The following SLCO4C1 variants were observed in gnomAD, a reference collection of about 807,000 sequenced individuals.
The protein encoded by SLCO4C1 is solute carrier organic anion transporter family member 4C1, also known as organic anion transporter M1.
SLCO4C1 carries 58 observed loss-of-function variants against 72.1 expected under a neutral mutation model. The ratio of observed to expected loss-of-function variants is 0.80; its 90% confidence interval spans 0.65 to 1.00. The LOEUF (loss-of-function observed/expected upper bound fraction) is 1.00, where lower values mean the gene tolerates loss of function less well. Ranked by LOEUF, SLCO4C1 falls within the 50% of genes least tolerant of loss-of-function variation. The pLI is 0.00. For synonymous variants in SLCO4C1, 297 were observed against 312.5 expected, an observed-to-expected ratio of 0.95 and a Z score of 0.52; for missense variants, 898 against 857.9, an observed-to-expected ratio of 1.05 and a Z score of -0.58.
At chr5:102,292,818 G>C (rs114044075) in intron 1 of SLCO4C1, among the ~76,000 whole-genome samples, 3,018 of 152,034 alleles carry the variant, frequency 0.02, 64 homozygotes, top group African/African-American at 0.055. Context: ...GAATTAACTA[G>C]AGATTCCTTT....
At chr5:102,281,500 A>C (rs779428814) in intron 2 of SLCO4C1, among the ~76,000 whole-genome samples, 48 of 152,146 alleles carry the variant, frequency 3.2e-4, no homozygotes, top group Non-Finnish European at 6.0e-4. Context: ...AGAGGATGAA[A>C]AGACATGCTA....
intron 8 of SLCO4C1, among the ~76,000 whole-genome samples, chr5:102,255,161 T>A (rs1039167534): frequency 1.3e-5 from 2 of 152,192 alleles, no homozygotes; most frequent in African/African-American, 4.8e-5. Flanking sequence ...TCACTTTCAG[T>A]TTTTCTCATC....
At chr5:102,291,657 A>G in intron 1 of SLCO4C1, 51 bp from the exon 2 acceptor site, 1 of 1,460,934 alleles carries the variant, frequency 6.8e-7, no homozygotes, top group Admixed American at 2.1e-5. Context: ...CCATACGATT[A>G]AGATTATTAA....
intron 10 of SLCO4C1, among the ~76,000 whole-genome samples, chr5:102,245,387 G>A (rs1748618237): frequency 6.6e-6 from 1 of 152,012 alleles, no homozygotes; most frequent in Non-Finnish European, 1.5e-5. Flanking sequence ...AAAGAGAATA[G>A]GAGTCACTAT....
chr5:102,258,027 T>A lies in SLCO4C1; in HGVS notation c.1189A>T (p.Ile397Phe). The A allele has an allele frequency of 6.2e-7, 1 of 1,606,310 alleles. No homozygotes were observed. Among genetic ancestry groups the A allele is most frequent in the Non-Finnish European group, 8.5e-7 (1 of 1,177,444 alleles). ...LVLSTSSEAL[I>F]TTGFATFLPK... ...AAAAATGTAGCAAATCCAGTAGTAA[T>A]TAAGGCTTCTGAAGAAGTTGATAGA... The change falls in exon 7 of 13, where the codon ATT becomes TTT. Residue 397 changes from isoleucine (I) to phenylalanine (F), a missense_variant. By Grantham distance (21) the Ile-to-Phe change is conservative (BLOSUM62 0). Transcript: ENST00000310954.
chr5:102,283,085 G>A lies in SLCO4C1; in HGVS notation c.619+8258C>T, dbSNP rs1435343842. 4.6e-5 allele frequency among the ~76,000 whole-genome samples: 7 copies of A among 151,214 alleles called. No homozygotes were observed. In the East Asian group the frequency reaches 9.7e-4, roughly 21 times the overall value. Reference sequence around the variant, plus strand: ...ACCAAATGAATTATTTTCTTATCTCGTAACAATATGATCTTAGAAATATAT... The same window carrying A: ...ACCAAATGAATTATTTTCTTATCTCATAACAATATGATCTTAGAAATATAT... On this transcript the variant is annotated intron_variant, in intron 2 of 12. Coordinates refer to ENST00000310954, the MANE Select transcript of SLCO4C1 (RefSeq NM_180991.5).
intron 10 of SLCO4C1, among the ~76,000 whole-genome samples, chr5:102,242,000 A>G (rs1748550052): frequency 6.6e-6 from 1 of 152,192 alleles, no homozygotes; most frequent in African/African-American, 2.4e-5. Flanking sequence ...CAACCCAGGC[A>G]GTGGCAGTGT....
chr5:102,250,253 A>G (rs1748713762), intron 8 of SLCO4C1, among the ~76,000 whole-genome samples: 1 of 152,128 alleles, frequency 6.6e-6, no homozygotes, highest in African/African-American at 2.4e-5. Flanking sequence ...GAACATAATC[A>G]TCTCATCAAT....
At position 102,235,737 on chromosome 5, in the gene SLCO4C1, G is replaced by C. The variant is rs1748419979; in HGVS notation, c.*1121C>G. The C allele has an allele frequency of 1.3e-5, 2 of 152,226 alleles. No individual in the cohort carries two copies. The highest frequency in any genetic ancestry group is 1.3e-4 in the Admixed American group (2 of 15,288). The allele number at this position is 152,226 out of a possible 1,614,324, so 9.4% of individuals were successfully genotyped here. ...GGAACTGCACATGCAAGGGATCTAG[G>C]TTGCACTCTCCTTATGAGAATCTAA... is the stretch of plus-strand genomic sequence containing the variant. On this transcript the variant is annotated 3_prime_UTR_variant, in exon 13 of 13. Coordinates refer to ENST00000310954, the MANE Select transcript of SLCO4C1 (RefSeq NM_180991.5).
At chr5:102,269,059 T>A (rs1331557107) in intron 3 of SLCO4C1, among the ~76,000 whole-genome samples, 1 of 151,802 alleles carries the variant, frequency 6.6e-6, no homozygotes, top group African/African-American at 2.4e-5. Context: ...AATTCCTCCA[T>A]ATGTGACTTG....
Position 102,289,320 on chromosome 5 carries a change from C to T in SLCO4C1, c.619+2023G>A, listed in dbSNP as rs1405290266. Among the ~76,000 whole-genome samples the T allele has an allele frequency of 2.0e-5, 3 of 152,166 alleles. No homozygotes were observed. In the East Asian group the frequency reaches 5.8e-4, roughly 29 times the overall value. ...TTCCTTTAGGAAAATAAGTTCTTCA[C>T]AATGGCTATAACTCCAGGTATAAAT... On this transcript the variant is annotated intron_variant, in intron 2 of 12. Transcript: ENST00000310954.
chr5:102,265,785 C>T (rs1281559247), intron 3 of SLCO4C1, among the ~76,000 whole-genome samples: 2 of 152,072 alleles, frequency 1.3e-5, no homozygotes, highest in East Asian at 1.9e-4. Flanking sequence ...ATTGTTTTGG[C>T]TATTTGGCAT....
At chr5:102,273,008 A>T (rs1749182060) in intron 2 of SLCO4C1, among the ~76,000 whole-genome samples, 1 of 54,036 alleles carries the variant, frequency 1.9e-5, no homozygotes, top group Admixed American at 1.9e-4. Context: ...AAAAACACAA[A>T]CATGGGCTAA....
At chr5:102,249,125 G>GA (rs1192213110) in intron 9 of SLCO4C1, among the ~76,000 whole-genome samples, 2 of 151,538 alleles carry the variant, frequency 1.3e-5, no homozygotes, top group Non-Finnish European at 2.9e-5. Flanking sequence ...AATAGTTAGG[G>GA]AAAAATAAAA....
intron 2 of SLCO4C1, among the ~76,000 whole-genome samples, chr5:102,287,534 CTTTTTTTTTT>C (rs148132091): frequency 1.3e-5 from 1 of 79,970 alleles, no homozygotes; most frequent in Non-Finnish European, 2.3e-5. Flanking sequence ...TTTTTCACTT[CTTTTTTTTTT>C]TTTTTTTTTT....
chr5:102,280,090 C>CAAAAAAAAAAAAAA (rs36217271), intron 2 of SLCO4C1, among the ~76,000 whole-genome samples: 119 of 68,846 alleles, frequency 1.7e-3, no homozygotes, highest in East Asian at 3.1e-3. Context: ...TGCAATAAGG[C>CAAAAAAAAAAAAAA]AAAAAAAAAA....
rs145600550 is a variant in SLCO4C1, at chr5:102,257,187, G to A, written c.1397C>T (p.Thr466Met). The A allele has an allele frequency of 4.0e-5, 65 of 1,607,156 alleles. No individual in the cohort carries two copies. Among genetic ancestry groups the A allele is most frequent in the African/African-American group, 1.2e-4 (9 of 74,560 alleles). The stretch of plus-strand genomic sequence containing the variant: ...GGCATACATAAATACAAAACTCAGC[G>A]TAAGTGCAACTCCAGATGTGAACAG... ...FALFTSGVAL[T>M]LSFVFMYAKC... The change falls in exon 8 of 13, where the codon ACG (threonine) becomes ATG (methionine). Residue 466 changes from threonine to methionine, a missense_variant. Thr to Met is a moderately conservative substitution (Grantham distance 81). Transcript: ENST00000310954.
intron 2 of SLCO4C1, among the ~76,000 whole-genome samples, chr5:102,278,327 T>C (rs113915191): frequency 2.0e-5 from 3 of 152,090 alleles, no homozygotes; most frequent in South Asian, 2.1e-4. Context: ...TTCACCATCA[T>C]AGAGCTGTAA....
At chr5:102,258,130 G>A in intron 6 of SLCO4C1, 43 bp from the exon 7 acceptor site, 1 of 1,441,228 alleles carries the variant, frequency 6.9e-7, no homozygotes, top group South Asian at 1.4e-5. Context: ...AGCTATGATT[G>A]TATTGCAAAG....
Sources: allele counts gnomAD v4.1 joint callset (sites outside exome capture counted in the v4.1 genomes callset), GRCh38; gene constraint gnomAD v4.1.1; transcripts MANE v1.5; gene names NCBI Gene and HGNC (gene_info 2026-07-23, HGNC 2026-07-21).